NRG1: variants seen among roughly 807,000 people sequenced by gnomAD.
NRG1 encodes the protein pro-neuregulin-1, membrane-bound isoform.
A neutral mutation model predicts 63.8 loss-of-function variants in NRG1; 18 were observed. That is an observed-to-expected ratio of 0.28 (90% CI 0.19 to 0.42). The LOEUF (loss-of-function observed/expected upper bound fraction) is 0.42. NRG1 is among the 10% of genes least tolerant of loss of function. The pLI is 1.00. For synonymous variants in NRG1, 302 were observed against 301.3 expected (o/e 1.00, Z -0.02); for missense variants, 762 against 814.7 (o/e 0.94, Z 0.79).
At chr8:31,979,413 A>G (rs1216775349) in intron 1 of NRG1, among the ~76,000 whole-genome samples, 1 of 152,062 alleles carries the variant, frequency 6.6e-6, no homozygotes, top group Non-Finnish European at 1.5e-5. Flanking sequence ...ACACTGTTCT[A>G]TTCATCAGAA....
At chr8:32,743,034 AT>A in intron 7 of NRG1, 1 of 1,167,404 alleles carries the variant, frequency 8.6e-7, no homozygotes, top group African/African-American at 1.6e-5. Context: ...AAATATGATA[AT>A]AAAGGCATTT....
intron 1 of NRG1, among the ~76,000 whole-genome samples, chr8:32,329,654 T>C (rs1802409159): frequency 6.6e-6 from 1 of 152,104 alleles, no homozygotes; most frequent in Non-Finnish European, 1.5e-5. Context: ...AGGCTTAGCA[T>C]CATGCTCTTG....
chr8:32,152,517 T>C (rs1231448506), intron 1 of NRG1, among the ~76,000 whole-genome samples: 1 of 152,238 alleles, frequency 6.6e-6, no homozygotes, highest in Non-Finnish European at 1.5e-5. Flanking sequence ...TCAATGATTA[T>C]GAAATAACTT....
rs2129048939 is a variant in NRG1, at chr8:32,750,510, C to T, written c.692-3862C>T. 1.3e-5 allele frequency among the ~76,000 whole-genome samples: 2 copies of T among 152,130 alleles called. 1 individual carries two copies. The highest frequency in any genetic ancestry group is 4.1e-4 in the South Asian group (2 of 4,826). ...CATGGTTGGGTCAGTGACACAATGT[C>T]CTGATTCACAGAATATCTGGTCCCC... On this transcript the variant is annotated intron_variant, in intron 7 of 11. Coordinates refer to ENST00000356819, the Ensembl canonical transcript of NRG1.
At chr8:31,745,022 G>A (rs1422671757) in intron 1 of NRG1, among the ~76,000 whole-genome samples, 1 of 151,954 alleles carries the variant, frequency 6.6e-6, no homozygotes, top group Admixed American at 6.6e-5. Flanking sequence ...GGACGATTAT[G>A]ATATAACTAA....
At position 31,976,224 on chromosome 8, in the gene NRG1, G is replaced by A. The variant is rs117688143; in HGVS notation, c.37+336793G>A. Reference sequence around the variant, plus strand: ...AAGATTGGGAGTTCTGGATTTAACTGCTTGGTAATGAAATCAACGGTTTGC... The same window carrying A: ...AAGATTGGGAGTTCTGGATTTAACTACTTGGTAATGAAATCAACGGTTTGC... On this transcript the variant is annotated intron_variant, in intron 1 of 10. Coordinates refer to the NRG1 transcript ENST00000519301. Among the ~76,000 whole-genome samples, 97 of 152,290 alleles carry A rather than the reference G, an allele frequency of 6.4e-4. 2 individuals carry two copies. Among genetic ancestry groups the A allele is most frequent in the Non-Finnish European group, 1.1e-3 (75 of 68,032 alleles).
At chr8:31,639,440 G>A (rs1465731010) in intron 1 of NRG1, 2 of 1,534,434 alleles carry the variant, frequency 1.3e-6, no homozygotes, top group African/African-American at 1.4e-5. Flanking sequence ...AGGTAAACAG[G>A]CTGGCGAGGC....
intron 1 of NRG1, among the ~76,000 whole-genome samples, chr8:31,920,283 A>G (rs1179615297): frequency 7.8e-6 from 1 of 127,940 alleles, no homozygotes; most frequent in African/African-American, 3.1e-5. Flanking sequence ...GCTGATTGGA[A>G]CTACCTTCGT....
At chr8:32,510,372 A>AAAATAAC (rs1366472606) in intron 1 of NRG1, among the ~76,000 whole-genome samples, 1 of 151,954 alleles carries the variant, frequency 6.6e-6, no homozygotes, top group Non-Finnish European at 1.5e-5. Flanking sequence ...AAAAAAATAA[A>AAAATAAC]AAATAAAAAA....
intron 7 of NRG1, among the ~76,000 whole-genome samples, chr8:32,746,352 A>C (rs1827419952): frequency 6.6e-6 from 1 of 152,198 alleles, no homozygotes; most frequent in South Asian, 2.1e-4. Context: ...CAGAAAGTCA[A>C]GACTTTAAGA....
intron 1 of NRG1, among the ~76,000 whole-genome samples, chr8:32,450,341 C>A (rs1358452331): frequency 6.6e-6 from 1 of 152,042 alleles, no homozygotes; most frequent in South Asian, 2.1e-4. Flanking sequence ...GAGTTCCAGG[C>A]TGTAGTTCAC....
At chr8:32,407,282 T>C (rs1433932734) in intron 1 of NRG1, among the ~76,000 whole-genome samples, 2 of 45,462 alleles carry the variant, frequency 4.4e-5, no homozygotes, top group African/African-American at 7.6e-5. Context: ...ATATTATATA[T>C]ATATATATAT....
At chr8:31,761,598 G>T (rs140906290) in intron 1 of NRG1, among the ~76,000 whole-genome samples, 122 of 152,244 alleles carry the variant, frequency 8.0e-4, no homozygotes, top group Middle Eastern at 6.8e-3. Context: ...GGCCAGAGGA[G>T]AGGGAGTGAG....
At chr8:31,920,863 C>G (rs1032777242) in intron 1 of NRG1, among the ~76,000 whole-genome samples, 5 of 140,984 alleles carry the variant, frequency 3.5e-5, no homozygotes, top group African/African-American at 1.1e-4. Context: ...TGGATAGATA[C>G]ATAGATAGAT....
intron 1 of NRG1, among the ~76,000 whole-genome samples, chr8:32,478,234 G>A (rs1477019068): frequency 6.6e-6 from 1 of 151,058 alleles, no homozygotes; most frequent in African/African-American, 2.4e-5. Context: ...CTTAAGCAGG[G>A]AGGCATTTGC....
At chr8:32,105,477 T>G (rs958395294) in intron 1 of NRG1, among the ~76,000 whole-genome samples, 3 of 152,106 alleles carry the variant, frequency 2.0e-5, no homozygotes, top group Non-Finnish European at 4.4e-5. Flanking sequence ...ATCACAAGAA[T>G]AGCATGGCAA....
chr8:32,770,497 T>A (rs890503512), downstream of NRG1, among the ~76,000 whole-genome samples: 9 of 152,212 alleles, frequency 5.9e-5, no homozygotes, highest in Admixed American at 5.9e-4. Context: ...ATACAGTATG[T>A]TATGTTACAT....
chr8:32,179,505 A>G lies in NRG1; in HGVS notation c.38-416323A>G, dbSNP rs563334012. ...TGCTGAGAACATAGTAAATGCTGCA[A>G]AAGCATTTGATGTCATGTCCATTAA... On this transcript the variant is annotated intron_variant, in intron 1 of 10. Coordinates refer to the NRG1 transcript ENST00000519301. Among the ~76,000 whole-genome samples, 5 of 152,354 alleles carry G rather than the reference A, an allele frequency of 3.3e-5. No homozygotes were observed. The East Asian group carries it at 5.8e-4, about 18-fold the overall frequency.
chr8:32,567,402 C>T (rs1837653202), intron 1 of NRG1, among the ~76,000 whole-genome samples: 1 of 152,154 alleles, frequency 6.6e-6, no homozygotes, highest in Non-Finnish European at 1.5e-5. Flanking sequence ...AGAGAAGAAA[C>T]CAGGTTTTGC....
Sources: allele counts gnomAD v4.1 joint callset (sites outside exome capture counted in the v4.1 genomes callset), GRCh38; gene constraint gnomAD v4.1.1; transcripts MANE v1.5; gene names NCBI Gene and HGNC (gene_info 2026-07-23, HGNC 2026-07-21).